LMNTD1: variants seen among roughly 807,000 people sequenced by gnomAD.
LMNTD1 encodes the protein lamin tail domain-containing protein 1.
Under a neutral mutation model 50.9 loss-of-function variants are expected in LMNTD1, and 35 were observed. The observed-to-expected ratio is 0.69, with a 90% CI of 0.53 to 0.91. LMNTD1 has a LOEUF of 0.91. Among genes scored for constraint, LMNTD1 ranks in the 40% least tolerant of loss-of-function variants. LMNTD1 has a pLI of 0.00. For synonymous variants in LMNTD1, 153 were observed against 161.9 expected (o/e 0.94, Z 0.42); for missense variants, 470 against 475.5 (o/e 0.99, Z 0.11).
At chr12:25,542,992 T>C (rs1943197908) in intron 4 of LMNTD1, among the ~76,000 whole-genome samples, 1 of 151,900 alleles carries the variant, frequency 6.6e-6, no homozygotes. Flanking sequence ...AAGAGAATAT[T>C]ATAAATGACA....
At chr12:25,594,826 C>T (rs1945806148) in intron 1 of LMNTD1, among the ~76,000 whole-genome samples, 1 of 151,988 alleles carries the variant, frequency 6.6e-6, no homozygotes, top group Non-Finnish European at 1.5e-5. Context: ...TATCTGCTGC[C>T]TTCAAGAGAC....
intron 1 of LMNTD1, among the ~76,000 whole-genome samples, chr12:25,628,281 T>G (rs182186): frequency 3.2e-3 from 485 of 150,774 alleles, no homozygotes; most frequent in African/African-American, 9.1e-3. Flanking sequence ...TGTTTCGGAA[T>G]AGAATTCATA....
At chr12:25,627,301 T>A in intron 1 of LMNTD1, among the ~76,000 whole-genome samples, 1 of 152,198 alleles carries the variant, frequency 6.6e-6, no homozygotes, top group South Asian at 2.1e-4. Flanking sequence ...TTTCTTTCAG[T>A]TCTTTTTTCT....
At chr12:25,558,149 CTT>C (rs949325575), upstream of LMNTD1, among the ~76,000 whole-genome samples, 191 of 152,210 alleles carry the variant, frequency 1.3e-3, no homozygotes, top group African/African-American at 4.5e-3. Flanking sequence ...TCATCTCTGA[CTT>C]TATTTATTTG....
intron 1 of LMNTD1, chr12:25,586,232 T>G (rs1295101371): frequency 6.6e-6 from 1 of 152,056 alleles, no homozygotes; most frequent in South Asian, 2.1e-4. Context: ...TGTTGAAAAT[T>G]CCCCATGATG....
At chr12:25,590,843 T>C (rs1225966038) in intron 1 of LMNTD1, among the ~76,000 whole-genome samples, 1 of 152,126 alleles carries the variant, frequency 6.6e-6, no homozygotes, top group Admixed American at 6.6e-5. Context: ...ATCTGCTGTA[T>C]TGAAGGGAGG....
chr12:25,525,092 C>T (rs1465475817), intron 6 of LMNTD1, among the ~76,000 whole-genome samples: 5 of 152,072 alleles, frequency 3.3e-5, no homozygotes, highest in Non-Finnish European at 7.4e-5. Context: ...AGAAAAATCA[C>T]AGGTATGTAA....
At chr12:25,522,351 C>T (rs536309989) in intron 6 of LMNTD1, among the ~76,000 whole-genome samples, 1 of 152,124 alleles carries the variant, frequency 6.6e-6, no homozygotes, top group African/African-American at 2.4e-5. Flanking sequence ...TTATTTTCCC[C>T]TGTATTGTAG....
In LMNTD1 at chr12:25,578,508, C is replaced by T. The variant is rs1945131117; in HGVS notation, c.59-31954G>A. Among the ~76,000 whole-genome samples, 5 of 152,120 alleles carry T rather than the reference C, an allele frequency of 3.3e-5. No homozygotes were observed. The South Asian group carries it at 1.0e-3, about 31-fold the overall frequency. On this transcript the variant is annotated intron_variant, in intron 1 of 7. Coordinates refer to the LMNTD1 transcript ENST00000445693. ...TGAGATACAGTCACACAATGTATTA[C>T]ATATGTATGTGAATCAGTTTAATGC...
chr12:25,504,069 G>A (rs1157019428), intron 8 of LMNTD1, among the ~76,000 whole-genome samples: 1 of 152,136 alleles, frequency 6.6e-6, no homozygotes, highest in Non-Finnish European at 1.5e-5. Flanking sequence ...CATTCTAAAA[G>A]GAAGCATATA....
chr12:25,562,623 C>G (rs935107959), intron 1 of LMNTD1, among the ~76,000 whole-genome samples: 3 of 152,144 alleles, frequency 2.0e-5, no homozygotes, highest in African/African-American at 7.2e-5. Flanking sequence ...TTGGAGTTGG[C>G]TCTTCTCGAG....
chr12:25,561,301 C>T (rs1245051549), intron 1 of LMNTD1, among the ~76,000 whole-genome samples: 1 of 152,224 alleles, frequency 6.6e-6, no homozygotes, highest in Non-Finnish European at 1.5e-5. Flanking sequence ...TTTCCCTCTA[C>T]ACACTGCTTT....
chr12:25,607,255 C>T (rs571526160), intron 1 of LMNTD1, among the ~76,000 whole-genome samples: 1 of 152,244 alleles, frequency 6.6e-6, no homozygotes, highest in South Asian at 2.1e-4. Context: ...AGCAGTCTAT[C>T]AACTTTGTTG....
At chr12:25,568,937 C>T (rs571389797) in intron 1 of LMNTD1, among the ~76,000 whole-genome samples, 1 of 152,378 alleles carries the variant, frequency 6.6e-6, no homozygotes, top group East Asian at 1.9e-4. Flanking sequence ...CCACAAGAAC[C>T]TCTACTAGGG....
chr12:25,575,423 A>G (rs566159117), intron 1 of LMNTD1, among the ~76,000 whole-genome samples: 3 of 152,312 alleles, frequency 2.0e-5, no homozygotes, highest in Non-Finnish European at 4.4e-5. Flanking sequence ...AAATGCTTCC[A>G]TAAGAGATTC....
chr12:25,619,031 A>G (rs892606721), intron 1 of LMNTD1, among the ~76,000 whole-genome samples: 2 of 152,120 alleles, frequency 1.3e-5, no homozygotes, highest in Admixed American at 6.6e-5. Context: ...AGCATTCTAT[A>G]ATATGCTTCA....
At chr12:25,628,084 G>A (rs536972609) in intron 1 of LMNTD1, among the ~76,000 whole-genome samples, 1 of 117,492 alleles carries the variant, frequency 8.5e-6, no homozygotes, top group African/African-American at 3.2e-5. Flanking sequence ...CTCCAGCCTG[G>A]GCGACAGAGT....
Position 25,552,581 on chromosome 12 carries a change from G to GAAAAAAAAAAA in LMNTD1, c.89+279_89+289dup, listed in dbSNP as rs55848800. Among the ~76,000 whole-genome samples the GAAAAAAAAAAA allele has an allele frequency of 3.6e-4, 21 of 58,162 alleles. 2 individuals carry two copies. The highest frequency in any genetic ancestry group is 6.2e-4 in the East Asian group (1 of 1,602). The allele number at this position is 58,162 out of a possible 152,430, so 38.2% of individuals were successfully genotyped here. ...AAGATCGCGCCACTGCACTCTGTCT[G>GAAAAAAAAAAA]AAAAAAAAAAAAAAAAAAAACGGAA... On this transcript the variant is annotated intron_variant, in intron 2 of 9. Transcript: ENST00000458174.
At chr12:25,560,306 T>A (rs1175099922) in intron 1 of LMNTD1, among the ~76,000 whole-genome samples, 3 of 152,208 alleles carry the variant, frequency 2.0e-5, no homozygotes, top group Admixed American at 2.0e-4. Context: ...GGGAATCCTT[T>A]CCCCATTGCT....
Sources: allele counts gnomAD v4.1 joint callset (sites outside exome capture counted in the v4.1 genomes callset), GRCh38; gene constraint gnomAD v4.1.1; transcripts MANE v1.5; gene names NCBI Gene and HGNC (gene_info 2026-07-23, HGNC 2026-07-21).